Variants in KAZN observed in about 807,000 individuals in gnomAD.
The protein encoded by KAZN is kazrin.
In KAZN, 40 loss-of-function variants were observed where a neutral mutation model predicts 87.4. The observed-to-expected ratio is 0.46, with a 90% confidence interval of 0.36 to 0.60. KAZN has a LOEUF of 0.60. Ranked by LOEUF, KAZN falls within the 20% of genes least tolerant of loss-of-function variation. KAZN has a pLI of 0.00. For missense variants in KAZN, 898 were observed against 1,073.9 expected (o/e 0.84, Z 2.29); for synonymous variants, 466 against 458.3 (o/e 1.02, Z -0.22).
rs145131752 is a variant in KAZN at position 14,908,081 on chromosome 1, A to T, written c.227-52603A>T. ...GACAAGCCAAGAGGCGGTTCTAGAG[A>T]GGATGAAGAGCAGAGCCATCAAAAG... On this transcript the variant is annotated intron_variant, in intron 1 of 14. Coordinates refer to ENST00000376030, the MANE Select transcript of KAZN (RefSeq NM_201628.3). Among the ~76,000 whole-genome samples the T allele has an allele frequency of 1.9e-3, 289 of 152,316 alleles. 1 individual carries two copies. Among genetic ancestry groups the T allele is most frequent in the African/African-American group, 6.7e-3 (280 of 41,566 alleles).
chr1:14,169,178 G>T (rs1346819531), intron 1 of KAZN, among the ~76,000 whole-genome samples: 2 of 152,114 alleles, frequency 1.3e-5, no homozygotes, highest in African/African-American at 2.4e-5. Flanking sequence ...AGGGGTCAGG[G>T]CAGGAGACGG....
chr1:14,954,852 A>T (rs1270185051), intron 1 of KAZN, among the ~76,000 whole-genome samples: 2 of 152,180 alleles, frequency 1.3e-5, no homozygotes, highest in African/African-American at 4.8e-5. Context: ...GCTACTCGGG[A>T]GGCTGAGGCC....
At chr1:15,002,291 A>G (rs1668568603) in intron 2 of KAZN, among the ~76,000 whole-genome samples, 1 of 152,146 alleles carries the variant, frequency 6.6e-6, no homozygotes, top group African/African-American at 2.4e-5. Context: ...GTCAAAGGGG[A>G]ATCAGAACAG....
chr1:14,861,969 G>A (rs1179035222), intron 1 of KAZN, among the ~76,000 whole-genome samples: 1 of 152,212 alleles, frequency 6.6e-6, no homozygotes, highest in Non-Finnish European at 1.5e-5. Context: ...AGCTCTAGCT[G>A]CATGTAGAAG....
chr1:14,333,064 G>A (rs1400199659), intron 2 of KAZN, among the ~76,000 whole-genome samples: 2 of 152,076 alleles, frequency 1.3e-5, no homozygotes, highest in Non-Finnish European at 2.9e-5. Flanking sequence ...AGGCCCTGGT[G>A]TGTGATGTTC....
chr1:13,904,718 AC>A (rs1318360009), intron 1 of KAZN, among the ~76,000 whole-genome samples: 1 of 152,082 alleles, frequency 6.6e-6, no homozygotes, highest in Non-Finnish European at 1.5e-5. Context: ...CTGTAGTTTC[AC>A]TACAGTGTAG....
intron 1 of KAZN, among the ~76,000 whole-genome samples, chr1:14,861,052 T>C (rs1039261335): frequency 2.6e-5 from 4 of 152,212 alleles, no homozygotes; most frequent in East Asian, 3.9e-4. Flanking sequence ...TAGTATTAGG[T>C]GGTGCCAAGT....
rs1450983688 is a variant in KAZN, at chr1:14,960,879, A to G, written c.418+4A>G. 1 of 1,598,046 alleles carries G rather than the reference A, an allele frequency of 6.3e-7. No homozygotes were observed. The highest frequency in any genetic ancestry group is 8.5e-7 in the Non-Finnish European group (1 of 1,170,248). On this transcript the variant is annotated splice_donor_region_variant and intron_variant, in intron 2 of 14. Transcript: ENST00000376030. ...AGAGCCAAAGAAGCCTTGCAGGGTG[A>G]GTGACGAGTCAGCAGCAGTTCCTTC...
At chr1:14,998,945 G>A (rs559297203) in intron 2 of KAZN, among the ~76,000 whole-genome samples, 1 of 152,336 alleles carries the variant, frequency 6.6e-6, no homozygotes, top group East Asian at 1.9e-4. Context: ...TCAGGCTCAA[G>A]GACATGCACT....
intron 2 of KAZN, among the ~76,000 whole-genome samples, chr1:14,577,975 A>G (rs1675296218): frequency 6.6e-6 from 1 of 152,062 alleles, no homozygotes; most frequent in Admixed American, 6.6e-5. Flanking sequence ...CCCCTCTATG[A>G]CCTACTAGCT....
At chr1:14,400,192 T>C (rs574854309) in intron 2 of KAZN, among the ~76,000 whole-genome samples, 1 of 152,244 alleles carries the variant, frequency 6.6e-6, no homozygotes, top group Admixed American at 6.5e-5. Context: ...TGTCTTTCTT[T>C]GATGCCAGCT....
At chr1:14,595,742 T>A (rs1030708117), upstream of KAZN, among the ~76,000 whole-genome samples, 5 of 151,882 alleles carry the variant, frequency 3.3e-5, no homozygotes, top group African/African-American at 1.2e-4. Context: ...CCTTTTTGGT[T>A]TAAATCAAGT....
intron 1 of KAZN, among the ~76,000 whole-genome samples, chr1:14,175,607 C>T (rs920519298): frequency 1.3e-5 from 2 of 152,042 alleles, no homozygotes; most frequent in South Asian, 2.1e-4. Context: ...GAGTAGTGTA[C>T]GCAAAAGAAA....
Position 15,094,484 on chromosome 1 carries a change from G to A in KAZN, c.1428+99G>A. ...GCCCCCCACTCCTACCCTGGAGTCA[G>A]GAGAAGGTGCAATCTAGGAGCTAGC... On this transcript the variant is annotated intron_variant, in intron 9 of 14. Transcript: ENST00000376030. The surrounding 1 kb of genome is among the most constrained non-coding windows in gnomAD (Gnocchi z 4.5). The A allele has an allele frequency of 2.7e-6, 3 of 1,128,988 alleles. No individual in the cohort carries two copies. Among genetic ancestry groups the A allele is most frequent in the Non-Finnish European group, 3.8e-6 (3 of 786,576 alleles). 69.9% of individuals were successfully genotyped at this position (1,128,988 alleles called of 1,614,324 possible).
chr1:14,151,403 T>C (rs1040024222), intron 1 of KAZN, among the ~76,000 whole-genome samples: 15 of 152,202 alleles, frequency 9.9e-5, no homozygotes, highest in Non-Finnish European at 1.6e-4. Flanking sequence ...GCAAGCAATA[T>C]GTTTCACTGC....
chr1:14,774,101 G>T (rs185823844), intron 1 of KAZN, among the ~76,000 whole-genome samples: 16 of 152,150 alleles, frequency 1.1e-4, no homozygotes, highest in African/African-American at 3.9e-4. Flanking sequence ...TTCCAGCACC[G>T]ATAGCTCTTA....
chr1:14,993,619 C>G (rs948988351), intron 2 of KAZN, among the ~76,000 whole-genome samples: 6 of 152,208 alleles, frequency 3.9e-5, no homozygotes, highest in Non-Finnish European at 7.3e-5. Flanking sequence ...GCCGCCACCC[C>G]CCTGCTGCCT....
At chr1:14,927,089 T>C (rs1427586689) in intron 1 of KAZN, among the ~76,000 whole-genome samples, 1 of 152,178 alleles carries the variant, frequency 6.6e-6, no homozygotes, top group Non-Finnish European at 1.5e-5. Flanking sequence ...CCGCACCTGC[T>C]TCTGCCTCGA....
chr1:14,649,082 C>T (rs1681025207), intron 1 of KAZN, among the ~76,000 whole-genome samples: 1 of 152,216 alleles, frequency 6.6e-6, no homozygotes, highest in Non-Finnish European at 1.5e-5. Flanking sequence ...TGGATCTCAG[C>T]ATGGAAGACC....
Sources: allele counts gnomAD v4.1 joint callset (sites outside exome capture counted in the v4.1 genomes callset), GRCh38; gene constraint gnomAD v4.1.1; non-coding constraint Gnocchi (gnomAD v3.1); transcripts MANE v1.5; gene names NCBI Gene and HGNC (gene_info 2026-07-23, HGNC 2026-07-21).